The following HNF4G variants were observed in gnomAD, a reference collection of about 807,000 sequenced individuals.
HNF4G encodes hepatocyte nuclear factor 4 gamma.
A neutral mutation model predicts 50.9 loss-of-function variants in HNF4G; 21 were observed. The ratio of observed to expected loss-of-function variants is 0.41; its 90% CI spans 0.29 to 0.59. The LOEUF is 0.59. Ranked by LOEUF, HNF4G falls within the 20% of genes least tolerant of loss-of-function variation. HNF4G has a pLI of 0.26. For missense variants in HNF4G, 527 were observed against 559.4 expected (o/e 0.94, Z 0.58); for synonymous variants, 198 against 185.6 (o/e 1.07, Z -0.54).
At chr8:75,548,338 T>G (rs1806851144) in intron 3 of HNF4G, among the ~76,000 whole-genome samples, 1 of 152,186 alleles carries the variant, frequency 6.6e-6, no homozygotes, top group South Asian at 2.1e-4. Context: ...ATCTTTTTTC[T>G]TTTGATGAAC....
At chr8:75,422,507 G>T (rs975969348) in intron 1 of HNF4G, among the ~76,000 whole-genome samples, 1 of 152,116 alleles carries the variant, frequency 6.6e-6, no homozygotes, top group Non-Finnish European at 1.5e-5. Context: ...CATTATCAAA[G>T]TAAATATATT....
At chr8:75,452,828 T>A (rs1329485100) in intron 1 of HNF4G, among the ~76,000 whole-genome samples, 2 of 152,262 alleles carry the variant, frequency 1.3e-5, no homozygotes, top group South Asian at 4.1e-4. Context: ...CACTATTAGA[T>A]AATCAAAATA....
At chr8:75,511,199 A>G (rs1805741276) in intron 2 of HNF4G, among the ~76,000 whole-genome samples, 1 of 152,190 alleles carries the variant, frequency 6.6e-6, no homozygotes, top group Non-Finnish European at 1.5e-5. Context: ...TATGATCTCT[A>G]TAGGTATAAT....
At chr8:75,494,790 A>G (rs1812727142) in intron 2 of HNF4G, among the ~76,000 whole-genome samples, 1 of 152,032 alleles carries the variant, frequency 6.6e-6, no homozygotes, top group African/African-American at 2.4e-5. Context: ...CTAAAATTAT[A>G]CATTTTATAC....
chr8:75,564,154 T>C lies in HNF4G; in HGVS notation c.*58T>C. On this transcript the variant is annotated 3_prime_UTR_variant, in exon 10 of 10. Coordinates refer to ENST00000396423, the MANE Select transcript of HNF4G (RefSeq NM_004133.5). ...ATGTGAAAAGTTGTTGATCTTGAAATATCTCAGGATAGCACTTTTGGCAAA... is the reference window on the plus strand; with the variant it reads ...ATGTGAAAAGTTGTTGATCTTGAAACATCTCAGGATAGCACTTTTGGCAAA... 2.5e-6 allele frequency: 4 copies of C among 1,580,378 alleles called. No individual in the cohort carries two copies. The highest frequency in any genetic ancestry group is 3.5e-6 in the Non-Finnish European group (4 of 1,156,112).
chr8:75,426,859 A>T (rs1188206744), intron 1 of HNF4G, among the ~76,000 whole-genome samples: 1 of 152,200 alleles, frequency 6.6e-6, no homozygotes, highest in African/African-American at 2.4e-5. Context: ...GGAGTATTAC[A>T]GTCGCTTGTT....
At chr8:75,547,954 T>C (rs1806836790) in intron 3 of HNF4G, among the ~76,000 whole-genome samples, 1 of 151,904 alleles carries the variant, frequency 6.6e-6, no homozygotes, top group Non-Finnish European at 1.5e-5. Context: ...GACTAAATGG[T>C]ATACCAATAT....
chr8:75,548,409 C>T (rs1042089797), intron 3 of HNF4G, among the ~76,000 whole-genome samples: 6 of 152,104 alleles, frequency 3.9e-5, no homozygotes, highest in African/African-American at 1.2e-4. Flanking sequence ...TTGAACACTG[C>T]AATTTTCCAA....
At chr8:75,494,535 T>C (rs1425756419) in intron 2 of HNF4G, among the ~76,000 whole-genome samples, 1 of 152,180 alleles carries the variant, frequency 6.6e-6, no homozygotes, top group Non-Finnish European at 1.5e-5. Context: ...AATTTGTTTT[T>C]ATTGAACGTA....
At chr8:75,411,688 T>C (rs1810508835) in intron 1 of HNF4G, among the ~76,000 whole-genome samples, 1 of 152,150 alleles carries the variant, frequency 6.6e-6, no homozygotes, top group Admixed American at 6.5e-5. Flanking sequence ...TCTTTAAGGA[T>C]GACTAGCTTC....
intron 4 of HNF4G, 147 bp downstream of exon 4, chr8:75,551,641 G>A (rs1213807140): frequency 1.9e-6 from 1 of 535,148 alleles, no homozygotes; most frequent in Admixed American, 3.2e-5. Context: ...TACTTTGAAA[G>A]TTTGAGTGGG....
intron 1 of HNF4G, among the ~76,000 whole-genome samples, chr8:75,442,036 G>A (rs188602768): frequency 5.3e-5 from 8 of 151,954 alleles, no homozygotes; most frequent in Non-Finnish European, 8.8e-5. Flanking sequence ...ACAATGTTCG[G>A]GAAAAAAATC....
At chr8:75,470,172 A>G (rs1026352398) in intron 1 of HNF4G, among the ~76,000 whole-genome samples, 3 of 152,314 alleles carry the variant, frequency 2.0e-5, no homozygotes, top group African/African-American at 7.2e-5. Flanking sequence ...TCTCTTACGA[A>G]GTCAGTGGCC....
intron 1 of HNF4G, among the ~76,000 whole-genome samples, chr8:75,451,740 C>T (rs1811589299): frequency 6.6e-6 from 1 of 152,178 alleles, no homozygotes; most frequent in Non-Finnish European, 1.5e-5. Flanking sequence ...GTTTTGATTA[C>T]TAGAGCTTTG....
At position 75,564,250 on chromosome 8, in the gene HNF4G, C is replaced by T; in HGVS notation, c.*154C>T. On this transcript the variant is annotated 3_prime_UTR_variant, in exon 10 of 10. Transcript: ENST00000396423. ...CTATTTTCTTGTTTATACGTTCATT[C>T]TGTTTGTTATTGCTACTATGTAAAA... 1.4e-6 allele frequency: 1 copy of T among 705,706 alleles called. No individual in the cohort carries two copies. The highest frequency in any genetic ancestry group is 2.0e-5 in the South Asian group (1 of 49,850). 43.7% of individuals were successfully genotyped at this position (705,706 alleles called of 1,614,324 possible).
At chr8:75,531,097 A>G (rs902919227) in intron 2 of HNF4G, among the ~76,000 whole-genome samples, 1 of 152,072 alleles carries the variant, frequency 6.6e-6, no homozygotes, top group Non-Finnish European at 1.5e-5. Flanking sequence ...CCCGGCCTCA[A>G]TGTGCTTTTT....
chr8:75,518,630 T>C (rs1175310938), intron 2 of HNF4G, among the ~76,000 whole-genome samples: 1 of 152,204 alleles, frequency 6.6e-6, no homozygotes, highest in Non-Finnish European at 1.5e-5. Context: ...TTGCACACTC[T>C]GAGTCAATGG....
chr8:75,430,364 T>C (rs1427759767), intron 1 of HNF4G, among the ~76,000 whole-genome samples: 1 of 152,092 alleles, frequency 6.6e-6, no homozygotes, highest in Non-Finnish European at 1.5e-5. Flanking sequence ...TAGTTTGGGC[T>C]GGCAAAAGTT....
At chr8:75,528,196 C>A (rs1202323183) in intron 2 of HNF4G, among the ~76,000 whole-genome samples, 1 of 152,106 alleles carries the variant, frequency 6.6e-6, no homozygotes, top group Non-Finnish European at 1.5e-5. Flanking sequence ...GATATCTTAT[C>A]CATGTCTTGG....
Sources: allele counts gnomAD v4.1 joint callset (sites outside exome capture counted in the v4.1 genomes callset), GRCh38; gene constraint gnomAD v4.1.1; transcripts MANE v1.5; gene names NCBI Gene and HGNC (gene_info 2026-07-23, HGNC 2026-07-21).